The following CUZD1 variants were observed in gnomAD, a reference collection of about 807,000 sequenced individuals.
The protein encoded by CUZD1 is CUB and zona pellucida like domains 1, also known as CUB and zona pellucida-like domain-containing protein 1.
CUZD1 carries 42 observed loss-of-function variants against 53.1 expected under a neutral mutation model. That is an observed-to-expected ratio of 0.79 (90% CI 0.62 to 1.02). The LOEUF is 1.02. Among genes scored for constraint, CUZD1 ranks in the 50% least tolerant of loss-of-function variants. CUZD1 has a pLI of 0.00. For synonymous variants in CUZD1, 238 were observed against 257.2 expected (o/e 0.93, Z 0.71); for missense variants, 670 against 715.7 (o/e 0.94, Z 0.73).
rs756322363 is a variant in CUZD1 at position 122,834,875 on chromosome 10, A to G, written c.1213T>C (p.Phe405Leu). The G allele has an allele frequency of 4.3e-6, 7 of 1,613,756 alleles. No individual in the cohort carries two copies. Among genetic ancestry groups the G allele is most frequent in the Non-Finnish European group, 5.9e-6 (7 of 1,179,794 alleles). The part of the protein sequence containing the change: ...TSMALFESNS[F>L]EKTILESPYY... ...GGTGATTCAAGTATAGTCTTTTCAA[A>G]TGAATTGGATTCAAAAAGAGCCATG... The change falls in exon 7 of 9, where the codon TTT (phenylalanine) becomes CTT (leucine). Residue 405 changes from phenylalanine to leucine, a missense_variant. Physicochemically the swap from Phe to Leu is conservative, Grantham distance 22. Transcript: ENST00000392790.
chr10:122,840,707 T>TA (rs1220811704), intron 2 of CUZD1, among the ~76,000 whole-genome samples: 3 of 152,090 alleles, frequency 2.0e-5, no homozygotes, highest in Non-Finnish European at 2.9e-5. Flanking sequence ...ATCTATAAAA[T>TA]AAAAAATATT....
intron 1 of CUZD1, among the ~76,000 whole-genome samples, chr10:122,842,600 C>T (rs1847362733): frequency 6.6e-6 from 1 of 152,040 alleles, no homozygotes; most frequent in Admixed American, 6.5e-5. Flanking sequence ...AGTTCCTTTG[C>T]TTTTTCAATA....
chr10:122,838,056 A>C (rs1847280497), intron 3 of CUZD1: 2 of 153,760 alleles, frequency 1.3e-5, no homozygotes, highest in African/African-American at 4.8e-5. Context: ...GCTCAGAAAC[A>C]GCCTTCATGA....
rs985665822 is a variant in CUZD1, at chr10:122,833,857, C to G, written c.1466G>C (p.Arg489Thr). 1.2e-6 allele frequency: 2 copies of G among 1,613,918 alleles called. No homozygotes were observed. Among genetic ancestry groups the G allele is most frequent in the Non-Finnish European group, 1.7e-6 (2 of 1,179,950 alleles). Residue 489 changes from arginine (R) to threonine (T), a missense_variant, in exon 8 of 9, where the codon AGA becomes ACA. By Grantham distance (71) the Arg-to-Thr change is moderately conservative. Coordinates refer to ENST00000392790, the MANE Select transcript of CUZD1 (RefSeq NM_022034.6). ...RFQFNAFKFL[R>T]SMSSVYLQCK... is the part of the protein sequence containing the mutation. Reference sequence around the variant, plus strand: ...CTGCAGATACACAGAGCTCATACTTCTCAAGAATTTAAAGGCATTAAACTG... The same window carrying G: ...CTGCAGATACACAGAGCTCATACTTGTCAAGAATTTAAAGGCATTAAACTG...
intron 6 of CUZD1, 95 bp downstream of exon 6, chr10:122,836,083 C>A: frequency 8.5e-7 from 1 of 1,174,020 alleles, no homozygotes; most frequent in Non-Finnish European, 1.2e-6. Context: ...ATTTGGGGGT[C>A]GTTTGTTACA....
chr10:122,843,777 A>C (rs1847382319), intron 1 of CUZD1, among the ~76,000 whole-genome samples: 1 of 148,690 alleles, frequency 6.7e-6, no homozygotes, highest in African/African-American at 2.5e-5. Flanking sequence ...AATGGTAGTG[A>C]ATACAGACTT....
chr10:122,834,228 G>A (rs888170771), intron 7 of CUZD1, among the ~76,000 whole-genome samples: 7 of 152,114 alleles, frequency 4.6e-5, no homozygotes, highest in Non-Finnish European at 4.4e-5. Flanking sequence ...GTATCAGTAC[G>A]AATGACGTAG....
intron 2 of CUZD1, among the ~76,000 whole-genome samples, 188 bp downstream of exon 2, chr10:122,840,990 G>C (rs1022285358): frequency 2.6e-5 from 4 of 152,158 alleles, no homozygotes; most frequent in Non-Finnish European, 5.9e-5. Context: ...CTGTGAGCCA[G>C]TGCCGGGCAC....
Position 122,832,289 on chromosome 10 carries a change from G to T in CUZD1, c.1813C>A (p.Gln605Lys), listed in dbSNP as rs764305148. 1 of 1,614,028 alleles carries T rather than the reference G, an allele frequency of 6.2e-7. No homozygotes were observed. Among genetic ancestry groups the T allele is most frequent in the Non-Finnish European group, 8.5e-7 (1 of 1,179,928 alleles). ...GTTGGACCTGTTAGTTAATAGTTCT[G>T]CAGCTTCTGGTATTTGTAGTCTGCC... ...QRADYKYQKLQNY is the reference protein window; with the variant it reads ...QRADYKYQKLKNY Residue 605 changes from glutamine to lysine, a missense_variant, in exon 9 of 9, where the codon CAG becomes AAG. Coordinates refer to ENST00000392790, the MANE Select transcript of CUZD1 (RefSeq NM_022034.6).
chr10:122,835,945 T>C (rs1847243547), intron 6 of CUZD1, among the ~76,000 whole-genome samples: 1 of 152,200 alleles, frequency 6.6e-6, no homozygotes, highest in Non-Finnish European at 1.5e-5. Context: ...CAGAGTTCTT[T>C]ACCTTCTGGG....
intron 1 of CUZD1, among the ~76,000 whole-genome samples, chr10:122,842,942 A>G (rs959618454): frequency 6.6e-6 from 1 of 152,226 alleles, no homozygotes; most frequent in Non-Finnish European, 1.5e-5. Context: ...GGATGGCTAG[A>G]GTCAAACACA....
chr10:122,839,374 A>G, intron 2 of CUZD1, 143 bp from the exon 3 acceptor site: 2 of 667,012 alleles, frequency 3.0e-6, no homozygotes, highest in Non-Finnish European at 5.1e-6. Context: ...ACCAATCACC[A>G]ACCCCACCAT....
Position 122,832,208 on chromosome 10 carries a change from T to A in CUZD1, c.*70A>T. The A allele has an allele frequency of 6.7e-7, 1 of 1,501,410 alleles. No individual in the cohort carries two copies. Among genetic ancestry groups the A allele is most frequent in the South Asian group, 1.2e-5 (1 of 83,378 alleles). 93.0% of individuals were successfully genotyped at this position (1,501,410 alleles called of 1,614,324 possible). ...CCCTTCCTCATTTATTCATAATATGTGTAGCCACGAGGTAGCATTTCCTTT... is the reference window on the plus strand; with the variant it reads ...CCCTTCCTCATTTATTCATAATATGAGTAGCCACGAGGTAGCATTTCCTTT... On this transcript the variant is annotated 3_prime_UTR_variant, in exon 9 of 9. Coordinates refer to ENST00000392790, the MANE Select transcript of CUZD1 (RefSeq NM_022034.6).
intron 7 of CUZD1, 23 bp from the exon 8 acceptor site, chr10:122,833,963 G>A (rs1777092154): frequency 3.8e-6 from 6 of 1,598,238 alleles, no homozygotes; most frequent in East Asian, 2.2e-5. Context: ...TTATGAACAT[G>A]TTTAGAAGAT....
intron 2 of CUZD1, among the ~76,000 whole-genome samples, chr10:122,840,116 A>C (rs1183356089): frequency 1.3e-5 from 2 of 152,204 alleles, no homozygotes; most frequent in African/African-American, 4.8e-5. Flanking sequence ...ACACAGCAAG[A>C]ATAGCATATA....
chr10:122,836,503 A>T (rs1367844608), intron 5 of CUZD1, among the ~76,000 whole-genome samples, 153 bp from the exon 6 acceptor site: 4 of 152,242 alleles, frequency 2.6e-5, no homozygotes, highest in Admixed American at 2.6e-4. Context: ...CAAGCAATTG[A>T]TTCACCTTTT....
At position 122,834,893 on chromosome 10, in the gene CUZD1, G is replaced by T. The variant is rs1342544310; in HGVS notation, c.1195C>A (p.Leu399Ile). 6.2e-7 allele frequency: 1 copy of T among 1,613,666 alleles called. No homozygotes were observed. Among genetic ancestry groups the T allele is most frequent in the South Asian group, 1.1e-5 (1 of 91,014 alleles). ...ALGKYNTSMA[L>I]FESNSFEKTI... is the part of the protein sequence containing the mutation. Reference sequence around the variant, plus strand: ...TTTTCAAATGAATTGGATTCAAAAAGAGCCATGCTGGTGTTATATTTGCCC... The same window carrying T: ...TTTTCAAATGAATTGGATTCAAAAATAGCCATGCTGGTGTTATATTTGCCC... Residue 399 changes from leucine (L) to isoleucine (I), a missense_variant, in exon 7 of 9, where the codon CTT (leucine) becomes ATT (isoleucine). Coordinates refer to ENST00000392790, the MANE Select transcript of CUZD1 (RefSeq NM_022034.6).
rs1847262948 is a variant in CUZD1 at position 122,836,970 on chromosome 10, TCC to T, written c.676_677del (p.Gly226ThrfsTer54). The T allele has an allele frequency of 6.2e-7, 1 of 1,613,960 alleles. No individual in the cohort carries two copies. The highest frequency in any genetic ancestry group is 8.5e-7 in the Non-Finnish European group (1 of 1,179,968). ...DGPSTNSGLI[G>X]QVCGRVTPTF... is the part of the protein sequence containing the mutation. ...TGGGAGTCACACGGCCACAGACTTGTCCAATCAGGCCAGAGTTGGTGGAGGGG... is the reference window on the plus strand; with the variant it reads ...TGGGAGTCACACGGCCACAGACTTGTAATCAGGCCAGAGTTGGTGGAGGGG... On this transcript the variant is annotated frameshift_variant, in exon 5 of 9. Coordinates refer to ENST00000392790, the MANE Select transcript of CUZD1 (RefSeq NM_022034.6). LOFTEE classifies it high-confidence loss of function.
chr10:122,834,608 GA>G (rs1262271284), intron 7 of CUZD1, 97 bp downstream of exon 7: 1 of 945,714 alleles, frequency 1.1e-6, no homozygotes, highest in Non-Finnish European at 1.5e-6. Flanking sequence ...GTAGTGCTAG[GA>G]AAAATGTATA....
Sources: allele counts gnomAD v4.1 joint callset (sites outside exome capture counted in the v4.1 genomes callset), GRCh38; gene constraint gnomAD v4.1.1; transcripts MANE v1.5; gene names NCBI Gene and HGNC (gene_info 2026-07-23, HGNC 2026-07-21).